UBR3: variants seen among roughly 807,000 people sequenced by gnomAD.
The protein encoded by UBR3 is E3 ubiquitin-protein ligase UBR3.
A neutral mutation model predicts 243.2 loss-of-function variants in UBR3; 85 were observed. The observed-to-expected ratio is 0.35, with a 90% CI of 0.29 to 0.42. The LOEUF (loss-of-function observed/expected upper bound fraction) is 0.42, where lower values mean the gene tolerates loss of function less well. UBR3 is among the 10% of genes least tolerant of loss of function. UBR3 has a pLI of 1.00. For synonymous variants in UBR3, 748 were observed against 799.8 expected, an observed-to-expected ratio of 0.94 and a Z score of 1.09; for missense variants, 1,686 against 2,300.8, an observed-to-expected ratio of 0.73 and a Z score of 5.47.
At chr2:169,890,655 C>T (rs1391541833) in intron 5 of UBR3, among the ~76,000 whole-genome samples, 7 of 141,720 alleles carry the variant, frequency 4.9e-5, no homozygotes, top group African/African-American at 1.8e-4. Context: ...TTTTTCTAAG[C>T]ATATTTTAAT....
intron 18 of UBR3, among the ~76,000 whole-genome samples, chr2:169,931,543 G>A (rs1472421941): frequency 6.6e-6 from 1 of 152,004 alleles, no homozygotes; most frequent in Non-Finnish European, 1.5e-5. Flanking sequence ...TAATTATAGT[G>A]GATGGTTAGG....
At chr2:169,869,710 C>G (rs1232857517) in intron 1 of UBR3, among the ~76,000 whole-genome samples, 1 of 152,146 alleles carries the variant, frequency 6.6e-6, no homozygotes, top group African/African-American at 2.4e-5. Context: ...CTAGATATCA[C>G]AAAATGGTTT....
At chr2:169,878,897 G>C (rs181031132) in intron 5 of UBR3, among the ~76,000 whole-genome samples, 1 of 152,096 alleles carries the variant, frequency 6.6e-6, no homozygotes, top group Non-Finnish European at 1.5e-5. Flanking sequence ...AAATTTACCC[G>C]TATAGTTGTC....
intron 1 of UBR3, among the ~76,000 whole-genome samples, chr2:169,868,541 C>T (rs753701258): frequency 6.6e-6 from 1 of 152,172 alleles, no homozygotes; most frequent in African/African-American, 2.4e-5. Context: ...GAACTCCTGA[C>T]ATCAAGTGAT....
chr2:169,888,127 T>TTATG (rs933919625), intron 5 of UBR3, among the ~76,000 whole-genome samples: 2 of 147,460 alleles, frequency 1.4e-5, no homozygotes, highest in Non-Finnish European at 3.0e-5. Flanking sequence ...ATTTATTTAT[T>TTATG]TATTTATTTA....
chr2:169,916,996 C>G (rs751221366), intron 11 of UBR3, among the ~76,000 whole-genome samples: 2 of 152,122 alleles, frequency 1.3e-5, no homozygotes, highest in Non-Finnish European at 2.9e-5. Flanking sequence ...CTCTCTTTAC[C>G]TCCCAGTGGC....
intron 24 of UBR3, among the ~76,000 whole-genome samples, chr2:169,971,622 G>T (rs1318378550): frequency 6.6e-6 from 1 of 152,102 alleles, no homozygotes; most frequent in Non-Finnish European, 1.5e-5. Flanking sequence ...GTTTGTCAAA[G>T]ATCAGATAGT....
intron 33 of UBR3, among the ~76,000 whole-genome samples, chr2:170,060,211 A>T (rs1181109113): frequency 6.6e-6 from 1 of 152,144 alleles, no homozygotes; most frequent in East Asian, 1.9e-4. Flanking sequence ...TTTACATTTT[A>T]TGGTAATTTG....
intron 23 of UBR3, among the ~76,000 whole-genome samples, chr2:169,957,996 A>G (rs1316961825): frequency 6.6e-6 from 1 of 152,180 alleles, no homozygotes; most frequent in African/African-American, 2.4e-5. Flanking sequence ...AAATATGACT[A>G]TTCCTATCTT....
At chr2:170,065,123 G>C (rs892838251) in intron 35 of UBR3, among the ~76,000 whole-genome samples, 1 of 151,938 alleles carries the variant, frequency 6.6e-6, no homozygotes, top group Non-Finnish European at 1.5e-5. Flanking sequence ...GATTACAGGC[G>C]TGAGCCACCA....
chr2:170,032,317 A>G (rs949902727), intron 31 of UBR3, among the ~76,000 whole-genome samples: 4 of 152,152 alleles, frequency 2.6e-5, no homozygotes, highest in African/African-American at 9.7e-5. Context: ...TTTATAGCAG[A>G]AATGACACAA....
At chr2:169,943,158 T>C (rs1401005390) in intron 20 of UBR3, among the ~76,000 whole-genome samples, 1 of 152,242 alleles carries the variant, frequency 6.6e-6, no homozygotes, top group Non-Finnish European at 1.5e-5. Flanking sequence ...TTGCTTGTTA[T>C]CTAAAATTTG....
chr2:169,889,324 G>A (rs1045889187), intron 5 of UBR3, among the ~76,000 whole-genome samples: 3 of 152,032 alleles, frequency 2.0e-5, no homozygotes, highest in Admixed American at 1.3e-4. Flanking sequence ...ACTTCATATT[G>A]CCATGACCAT....
At chr2:169,950,599 T>G (rs2086977546) in intron 23 of UBR3, among the ~76,000 whole-genome samples, 1 of 151,478 alleles carries the variant, frequency 6.6e-6, no homozygotes, top group Admixed American at 6.6e-5. Context: ...AAACTTTTTT[T>G]TCATCTTTTG....
chr2:169,850,842 T>G (rs1227579984), intron 1 of UBR3, among the ~76,000 whole-genome samples: 1 of 142,962 alleles, frequency 7.0e-6, no homozygotes, highest in African/African-American at 2.6e-5. Context: ...AGACTCAGTC[T>G]CAAAAAAAAA....
chr2:170,015,275 T>C lies in UBR3; in HGVS notation c.4368-6T>C. Reference sequence around the variant, plus strand: ...TAATGACTGAGATATAATGTTTTACTTACAGAACCAATTTAGAACTTGAAT... The same window carrying C: ...TAATGACTGAGATATAATGTTTTACCTACAGAACCAATTTAGAACTTGAAT... On this transcript the variant is annotated splice_polypyrimidine_tract_variant and splice_region_variant and intron_variant, in intron 29 of 38. Coordinates refer to ENST00000272793, the MANE Select transcript of UBR3 (RefSeq NM_172070.4). 6.2e-7 allele frequency: 1 copy of C among 1,608,788 alleles called. No individual in the cohort carries two copies. The highest frequency in any genetic ancestry group is 1.3e-5 in the African/African-American group (1 of 74,834).
intron 32 of UBR3, among the ~76,000 whole-genome samples, chr2:170,049,693 T>A (rs1188572720): frequency 6.6e-6 from 1 of 152,230 alleles, no homozygotes; most frequent in Non-Finnish European, 1.5e-5. Context: ...AGCCTTTCTA[T>A]TGGATATCCT....
intron 30 of UBR3, 40 bp from the exon 31 acceptor site, chr2:170,029,306 T>G (rs778088724): frequency 6.6e-7 from 1 of 1,517,670 alleles, no homozygotes; most frequent in Non-Finnish European, 9.0e-7. Context: ...CTGTAACAAA[T>G]GTGTGAACTT....
At chr2:169,836,061 ATATATATTTTTTTTTTTT>A (rs2082097671) in intron 1 of UBR3, among the ~76,000 whole-genome samples, 3 of 33,990 alleles carry the variant, frequency 8.8e-5, no homozygotes, top group Non-Finnish European at 1.9e-4. Context: ...ATATATATAT[ATATATATTTTTTTTTTTT>A]TTTTTTTTTT....
Sources: allele counts gnomAD v4.1 joint callset (sites outside exome capture counted in the v4.1 genomes callset), GRCh38; gene constraint gnomAD v4.1.1; transcripts MANE v1.5; gene names NCBI Gene and HGNC (gene_info 2026-07-23, HGNC 2026-07-21).